Variants in GRK3 observed in about 807,000 individuals in gnomAD.
The protein encoded by GRK3 is adrenergic, beta, receptor kinase 2.
In GRK3, 54 loss-of-function variants were observed where a neutral mutation model predicts 95.7. That is an observed-to-expected ratio of 0.56 (90% CI 0.45 to 0.71). GRK3 has a LOEUF of 0.71. Among genes scored for constraint, GRK3 ranks in the 30% least tolerant of loss-of-function variants. The pLI is 0.00. For synonymous variants in GRK3, 281 were observed against 290.8 expected, an observed-to-expected ratio of 0.97 and a Z score of 0.34; for missense variants, 649 against 851.2, an observed-to-expected ratio of 0.76 and a Z score of 2.96.
Position 25,610,799 on chromosome 22 carries a change from T to C in GRK3, c.190+6346T>C, listed in dbSNP as rs2084491075. On this transcript the variant is annotated intron_variant, in intron 2 of 20. Transcript: ENST00000324198. Reference sequence around the variant, plus strand: ...TGAAGTTAATCCATGTCGTTGTGTGTATCTGTACTTCATTCCTTTTTGTTG... The same window carrying C: ...TGAAGTTAATCCATGTCGTTGTGTGCATCTGTACTTCATTCCTTTTTGTTG... Among the ~76,000 whole-genome samples, 6 of 152,368 alleles carry C rather than the reference T, an allele frequency of 3.9e-5. No individual in the cohort carries two copies. The South Asian group carries it at 1.2e-3, about 32-fold the overall frequency.
intron 1 of GRK3, among the ~76,000 whole-genome samples, chr22:25,601,566 C>G (rs765856687): frequency 6.6e-6 from 1 of 152,034 alleles, no homozygotes; most frequent in Non-Finnish European, 1.5e-5. Flanking sequence ...AATTTAAATT[C>G]ATTGATCCAA....
At chr22:25,683,749 T>A (rs2085092478) in intron 9 of GRK3, among the ~76,000 whole-genome samples, 1 of 152,218 alleles carries the variant, frequency 6.6e-6, no homozygotes, top group Non-Finnish European at 1.5e-5. Context: ...TTTTTAAAGT[T>A]CTTTGTATAT....
chr22:25,712,225 A>C (rs932651492), intron 17 of GRK3, among the ~76,000 whole-genome samples: 1 of 152,170 alleles, frequency 6.6e-6, no homozygotes, highest in African/African-American at 2.4e-5. Context: ...CAAAGTGCAG[A>C]GGGCCCAGGT....
At chr22:25,571,166 C>T (rs1931688329) in intron 1 of GRK3, among the ~76,000 whole-genome samples, 1 of 152,090 alleles carries the variant, frequency 6.6e-6, no homozygotes, top group African/African-American at 2.4e-5. Context: ...CTTAGTGCAC[C>T]AGAAAGCCAC....
intron 1 of GRK3, among the ~76,000 whole-genome samples, chr22:25,585,122 A>G (rs1202577088): frequency 2.0e-5 from 3 of 152,286 alleles, no homozygotes; most frequent in Non-Finnish European, 2.9e-5. Context: ...GGCTTGTAGA[A>G]CAGCTCTGCC....
intron 2 of GRK3, among the ~76,000 whole-genome samples, chr22:25,634,905 G>A (rs1015382016): frequency 1.4e-4 from 21 of 151,960 alleles, no homozygotes; most frequent in Admixed American, 4.6e-4. Context: ...TGATTTTGCC[G>A]CTTTTCTTAT....
chr22:25,649,109 T>A (rs1316988587), intron 3 of GRK3: 26 of 1,525,098 alleles, frequency 1.7e-5, no homozygotes, highest in African/African-American at 2.7e-5. Flanking sequence ...AATCCCTCCA[T>A]GAATTGATGA....
In GRK3 at chr22:25,722,816, C is replaced by T. The variant is rs984944462; in HGVS notation, c.*366C>T. 9 of 170,022 alleles carry T rather than the reference C, an allele frequency of 5.3e-5. No individual in the cohort carries two copies. The highest frequency in any genetic ancestry group is 1.1e-4 in the Non-Finnish European group (9 of 79,512). The allele number at this position is 170,022 out of a possible 1,614,324, so 10.5% of individuals were successfully genotyped here. ...GGTAACAGATTGCCCTAAGCATTGC[C>T]ACATATTCTGTCTAGTCACTGCTGA... is the stretch of plus-strand genomic sequence containing the variant. On this transcript the variant is annotated 3_prime_UTR_variant, in exon 21 of 21. Coordinates refer to ENST00000324198, the MANE Select transcript of GRK3 (RefSeq NM_005160.4).
chr22:25,703,448 C>A, intron 13 of GRK3, 62 bp from the exon 14 acceptor site: 2 of 1,247,138 alleles, frequency 1.6e-6, no homozygotes, highest in East Asian at 2.3e-5. Context: ...AAATATTAGT[C>A]AGTGATATGT....
At chr22:25,590,261 T>A (rs961575889) in intron 1 of GRK3, among the ~76,000 whole-genome samples, 2 of 151,994 alleles carry the variant, frequency 1.3e-5, no homozygotes, top group Non-Finnish European at 2.9e-5. Flanking sequence ...GCGAAAAAAA[T>A]GTTCCCTTAA....
chr22:25,573,715 A>G (rs888529704), intron 1 of GRK3, among the ~76,000 whole-genome samples: 13 of 152,144 alleles, frequency 8.5e-5, no homozygotes, highest in African/African-American at 3.1e-4. Context: ...CCTGACAAAC[A>G]TGGTGAAACC....
chr22:25,658,615 A>T (rs2084889286), intron 3 of GRK3, among the ~76,000 whole-genome samples: 1 of 152,002 alleles, frequency 6.6e-6, no homozygotes, highest in African/African-American at 2.4e-5. Flanking sequence ...CTTATTGTCT[A>T]TGTGTCCAGA....
At chr22:25,595,579 C>A (rs1206534289) in intron 1 of GRK3, among the ~76,000 whole-genome samples, 1 of 152,008 alleles carries the variant, frequency 6.6e-6, no homozygotes, top group Non-Finnish European at 1.5e-5. Flanking sequence ...AGGGAATAGT[C>A]AAGAATTGTA....
At chr22:25,588,410 T>C (rs527950288) in intron 1 of GRK3, among the ~76,000 whole-genome samples, 11 of 152,362 alleles carry the variant, frequency 7.2e-5, no homozygotes, top group Admixed American at 7.2e-4. Flanking sequence ...TGCTGAATTG[T>C]TTAGTACTAT....
rs554023776 is a variant in GRK3, at chr22:25,604,121, G to A, written c.114-256G>A. Among the ~76,000 whole-genome samples the A allele has an allele frequency of 6.6e-5, 10 of 152,250 alleles. No homozygotes were observed. The East Asian group carries it at 1.9e-3, about 29-fold the overall frequency. ...TGGAGAGCAGATATATTGAGGGTGGGTTTTCAAAACCCTGAAGTTATTTTC... is the reference window on the plus strand; with the variant it reads ...TGGAGAGCAGATATATTGAGGGTGGATTTTCAAAACCCTGAAGTTATTTTC... On this transcript the variant is annotated intron_variant, in intron 1 of 20. Transcript: ENST00000324198.
chr22:25,710,845 T>A (rs1428102644), intron 16 of GRK3, among the ~76,000 whole-genome samples: 1 of 152,268 alleles, frequency 6.6e-6, no homozygotes, highest in African/African-American at 2.4e-5. Context: ...ACATGAATCC[T>A]ATTTTTCTTT....
intron 1 of GRK3, among the ~76,000 whole-genome samples, chr22:25,600,580 A>T (rs1037975431): frequency 6.6e-6 from 1 of 152,240 alleles, no homozygotes; most frequent in Non-Finnish European, 1.5e-5. Flanking sequence ...CATAGCATTT[A>T]CATTGCATTA....
chr22:25,695,499 G>A (rs972543256), intron 13 of GRK3, among the ~76,000 whole-genome samples: 1 of 152,056 alleles, frequency 6.6e-6, no homozygotes, highest in Non-Finnish European at 1.5e-5. Flanking sequence ...TCTTTGATAA[G>A]CCACATTGTA....
chr22:25,718,329 A>C lies in GRK3; in HGVS notation c.1739A>C (p.Tyr580Ser). ...TTTCTGACTCAGTGGCAGCGTCGCT[A>C]TTTTTACCTCTTTCCAAATAGACTT... is the stretch of plus-strand genomic sequence containing the variant. ...NPFLTQWQRR[Y>S]FYLFPNRLEW... The change falls in exon 19 of 21, where the codon TAT becomes TCT. Residue 580 changes from tyrosine (Y) to serine (S), a missense_variant. Around this residue, in one of 3 missense-constraint regions of GRK3, gnomAD observed 382 missense variants for 493.8 expected, o/e 0.77. Transcript: ENST00000324198. 2 of 1,613,978 alleles carry C rather than the reference A, an allele frequency of 1.2e-6. No homozygotes were observed. The highest frequency in any genetic ancestry group is 1.7e-6 in the Non-Finnish European group (2 of 1,179,976).
Sources: allele counts gnomAD v4.1 joint callset (sites outside exome capture counted in the v4.1 genomes callset), GRCh38; gene constraint gnomAD v4.1.1; regional missense constraint gnomAD v4.1.1; transcripts MANE v1.5; gene names NCBI Gene and HGNC (gene_info 2026-07-23, HGNC 2026-07-21).